The following ADGRV1 variants were observed in gnomAD, a reference collection of about 807,000 sequenced individuals.
ADGRV1 encodes the protein adhesion G protein-coupled receptor V1, also known as G-protein coupled receptor 98.
Under a neutral mutation model 596.2 loss-of-function variants are expected in ADGRV1, and 359 were observed. The ratio of observed to expected loss-of-function variants is 0.60; its 90% CI spans 0.55 to 0.66. ADGRV1 has a LOEUF of 0.66. Among genes scored for constraint, ADGRV1 ranks in the 30% least tolerant of loss-of-function variants. The pLI, the probability that ADGRV1 is intolerant of heterozygous loss-of-function variation, is 0.00. For synonymous variants in ADGRV1, 2,681 were observed against 2,679.2 expected, an observed-to-expected ratio of 1.00 and a Z score of -0.02; for missense variants, 7,274 against 7,575.6, an observed-to-expected ratio of 0.96 and a Z score of 1.48.
At chr5:90,928,271 A>C (rs1478603956) in intron 83 of ADGRV1, among the ~76,000 whole-genome samples, 1 of 152,076 alleles carries the variant, frequency 6.6e-6, no homozygotes, top group Non-Finnish European at 1.5e-5. Context: ...AGGTACACCA[A>C]TCAGACGTAG....
chr5:91,032,585 T>C (rs1400507044), intron 85 of ADGRV1, among the ~76,000 whole-genome samples: 1 of 151,792 alleles, frequency 6.6e-6, no homozygotes, highest in Non-Finnish European at 1.5e-5. Context: ...TAATTATAAT[T>C]ATATATATAT....
intron 77 of ADGRV1, among the ~76,000 whole-genome samples, chr5:90,839,540 C>T (rs2150356466): frequency 6.6e-6 from 1 of 152,234 alleles, no homozygotes; most frequent in Non-Finnish European, 1.5e-5. Flanking sequence ...CAGCATCCAG[C>T]ACTCTCCTTC....
At chr5:91,096,908 G>A (rs915550789) in intron 86 of ADGRV1, among the ~76,000 whole-genome samples, 1 of 152,052 alleles carries the variant, frequency 6.6e-6, no homozygotes, top group African/African-American at 2.4e-5. Context: ...GGTAACTTCT[G>A]TTCTACTTTC....
intron 83 of ADGRV1, among the ~76,000 whole-genome samples, chr5:90,934,825 T>C (rs1775544472): frequency 6.6e-6 from 1 of 152,222 alleles, no homozygotes; most frequent in Non-Finnish European, 1.5e-5. Flanking sequence ...TCTTGGCTTT[T>C]AGGTGGCCTC....
chr5:91,136,157 A>G (rs55736649), intron 87 of ADGRV1, among the ~76,000 whole-genome samples: 95,177 of 151,948 alleles, frequency 0.63, 33,488 homozygotes, highest in Non-Finnish European at 0.78. Flanking sequence ...CAGAGGTCTT[A>G]TTAGCCAAAT....
chr5:90,770,982 A>G (rs1757632346), intron 59 of ADGRV1, among the ~76,000 whole-genome samples: 1 of 152,198 alleles, frequency 6.6e-6, no homozygotes, highest in African/African-American at 2.4e-5. Flanking sequence ...GCTAAAATCC[A>G]TTGCACTAAA....
intron 85 of ADGRV1, among the ~76,000 whole-genome samples, chr5:91,032,181 G>A (rs553775357): frequency 1.1e-4 from 16 of 152,306 alleles, no homozygotes; most frequent in Admixed American, 7.2e-4. Flanking sequence ...GCCCTAAGGC[G>A]GGAGCAAGCT....
chr5:90,928,730 T>C lies in ADGRV1; in HGVS notation c.17857-36685T>C, dbSNP rs1430028216. Among the ~76,000 whole-genome samples, 6 of 151,662 alleles carry C rather than the reference T, an allele frequency of 4.0e-5. No individual in the cohort carries two copies. In the East Asian group the frequency reaches 1.2e-3, roughly 29 times the overall value. On this transcript the variant is annotated intron_variant, in intron 83 of 89. Coordinates refer to ENST00000405460, the MANE Select transcript of ADGRV1 (RefSeq NM_032119.4). ...GCTCTGCTTTTTAGAGTTTCCCGTT[T>C]TTCTGTTCTGTTTTTTCCCCATCTT...
intron 17 of ADGRV1, among the ~76,000 whole-genome samples, chr5:90,650,349 C>T (rs1768412389): frequency 6.6e-6 from 1 of 152,074 alleles, no homozygotes; most frequent in Admixed American, 6.6e-5. Context: ...TAGAACCCTG[C>T]CAAAATTAGG....
chr5:90,982,361 T>C (rs1780146314), intron 84 of ADGRV1, among the ~76,000 whole-genome samples: 1 of 152,178 alleles, frequency 6.6e-6, no homozygotes, highest in African/African-American at 2.4e-5. Context: ...TGAGGACATA[T>C]TGTATAGTCA....
rs767926901 is a variant in ADGRV1, at chr5:90,863,769, C to A, written c.17768C>A (p.Ala5923Asp). 3 of 1,612,854 alleles carry A rather than the reference C, an allele frequency of 1.9e-6. No homozygotes were observed. In the South Asian group the frequency reaches 3.3e-5, roughly 18 times the overall value. The stretch of plus-strand genomic sequence containing the variant: ...TTTGTTCCTACAGGTCTTTGCTTGG[C>A]TGTTCTTTCCCATATCTTCTGTGCC... ...GFICISGLCL[A>D]VLSHIFCARY... Residue 5923 changes from alanine to aspartate, a missense_variant, in exon 83 of 90, where the codon GCT becomes GAT. Physicochemically the swap from Ala to Asp is moderately radical, Grantham distance 126. This residue lies in a region of ADGRV1 where 1,874 missense variants were observed against 1,970.2 expected (regional missense o/e 0.95). Coordinates refer to ENST00000405460, the MANE Select transcript of ADGRV1 (RefSeq NM_032119.4).
At chr5:90,594,336 T>C (rs576163586) in intron 1 of ADGRV1, among the ~76,000 whole-genome samples, 2 of 152,260 alleles carry the variant, frequency 1.3e-5, no homozygotes, top group African/African-American at 4.8e-5. Flanking sequence ...TAAGGGGTTC[T>C]TCCCCCTTCG....
intron 1 of ADGRV1, among the ~76,000 whole-genome samples, chr5:90,609,565 A>G (rs965580306): frequency 2.6e-5 from 4 of 152,094 alleles, no homozygotes; most frequent in African/African-American, 9.6e-5. Context: ...ACAGATTAAG[A>G]ATGCTTAGAA....
At chr5:90,692,135 TTC>T (rs1295659709) in intron 31 of ADGRV1, among the ~76,000 whole-genome samples, 1 of 152,170 alleles carries the variant, frequency 6.6e-6, no homozygotes, top group African/African-American at 2.4e-5. Flanking sequence ...TTCTGTTTTT[TTC>T]TCTCTAAATT....
chr5:91,002,925 C>G (rs1330278700), intron 85 of ADGRV1, among the ~76,000 whole-genome samples: 2 of 152,258 alleles, frequency 1.3e-5, no homozygotes, highest in South Asian at 2.1e-4. Flanking sequence ...CTACTGTTAC[C>G]TACATAGCCT....
At position 90,558,835 on chromosome 5, in the gene ADGRV1, G is replaced by T. The variant is rs548497029; in HGVS notation, c.-61G>T. On this transcript the variant is annotated 5_prime_UTR_variant, in exon 1 of 90. Transcript: ENST00000405460. Reference sequence around the variant, plus strand: ...AGCAGCGCGGGCAAGGAGTACGGACGGGAGTCAGAGGCAGAGCGAGGGTGT... The same window carrying T: ...AGCAGCGCGGGCAAGGAGTACGGACTGGAGTCAGAGGCAGAGCGAGGGTGT... 6 of 1,527,682 alleles carry T rather than the reference G, an allele frequency of 3.9e-6. No individual in the cohort carries two copies. Among genetic ancestry groups the T allele is most frequent in the Non-Finnish European group, 5.3e-6 (6 of 1,123,482 alleles). 94.6% of individuals were successfully genotyped at this position (1,527,682 alleles called of 1,614,324 possible).
chr5:90,694,515 C>A lies in ADGRV1; in HGVS notation c.7759C>A (p.Pro2587Thr). The A allele has an allele frequency of 6.2e-7, 1 of 1,613,832 alleles. No individual in the cohort carries two copies. Among genetic ancestry groups the A allele is most frequent in the Non-Finnish European group, 8.5e-7 (1 of 1,179,804 alleles). ...AGTGTTTGTGATCTACAATATTAGT[C>A]CCAATACTTCCGAAGATGGCTTATT... Reference protein sequence around the residue: ...FGVFVIYNISPNTSEDGLFVE... With the variant: ...FGVFVIYNISTNTSEDGLFVE... The change falls in exon 33 of 90, where the codon CCC becomes ACC. Residue 2587 changes from proline to threonine, a missense_variant. Transcript: ENST00000405460.
At chr5:90,713,127 C>T (rs955195935) in intron 42 of ADGRV1, among the ~76,000 whole-genome samples, 3 of 151,976 alleles carry the variant, frequency 2.0e-5, no homozygotes, top group Admixed American at 1.3e-4. Flanking sequence ...GCTGACTGAC[C>T]CTTCAAACTC....
rs1754475517 is a variant in ADGRV1, at chr5:90,745,222, T to C, written c.10726T>C (p.Tyr3576His). 1 of 1,609,848 alleles carries C rather than the reference T, an allele frequency of 6.2e-7. No individual in the cohort carries two copies. The highest frequency in any genetic ancestry group is 8.5e-7 in the Non-Finnish European group (1 of 1,179,218). The change falls in exon 51 of 90, where the codon TAT (tyrosine) becomes CAT (histidine). Residue 3576 changes from tyrosine to histidine, a missense_variant. By Grantham distance (83) the Tyr-to-His change is moderately conservative. Coordinates refer to ENST00000405460, the MANE Select transcript of ADGRV1 (RefSeq NM_032119.4). ...TCTAGTGGGAGCTCATTCACATATA[T>C]ATGAGCTAGCCTACATTTCCAGCCA... ...IALVGAHSHI[Y>H]ELAYISSHSD...
Sources: gnomAD v4.1 joint callset for allele counts (sites outside exome capture counted in the v4.1 genomes callset) on GRCh38, gnomAD v4.1.1 for gene constraint, gnomAD v4.1.1 regional missense constraint, MANE v1.5 for transcripts, NCBI Gene and HGNC (gene_info 2026-07-23, HGNC 2026-07-21) for gene names.